The following MLXIP variants were observed in gnomAD, a reference collection of about 807,000 sequenced individuals.
MLXIP encodes the protein MLX-interacting protein.
MLXIP carries 30 observed loss-of-function variants against 87.2 expected under a neutral mutation model. The ratio of observed to expected loss-of-function variants is 0.34; its 90% CI spans 0.26 to 0.47. MLXIP has a LOEUF of 0.47. Among genes scored for constraint, MLXIP ranks in the 20% least tolerant of loss-of-function variants. The probability of loss-of-function intolerance (pLI) is 1.00; values close to 1 mark genes in which losing one functional copy is unlikely to be tolerated. For synonymous variants in MLXIP, 530 were observed against 514.0 expected (o/e 1.03, Z -0.42); for missense variants, 1,002 against 1,240.1 (o/e 0.81, Z 2.88).
At chr12:122,109,557 A>T (rs1952571898) in intron 1 of MLXIP, among the ~76,000 whole-genome samples, 1 of 152,252 alleles carries the variant, frequency 6.6e-6, no homozygotes, top group African/African-American at 2.4e-5. Flanking sequence ...ATCCGTTCAT[A>T]CGTCTCAGGA....
chr12:122,092,668 C>G (rs1247791123), intron 1 of MLXIP, among the ~76,000 whole-genome samples: 1 of 152,152 alleles, frequency 6.6e-6, no homozygotes, highest in African/African-American at 2.4e-5. Context: ...TAAGCTATCA[C>G]CCCTCAGCAT....
chr12:122,096,591 G>A lies in MLXIP; in HGVS notation c.413+17325G>A, dbSNP rs565004660. 3.3e-4 allele frequency among the ~76,000 whole-genome samples: 50 copies of A among 152,328 alleles called. No individual in the cohort carries two copies. The South Asian group carries it at 6.6e-3, about 20-fold the overall frequency. ...TAGGGGAATGGTGGTCAGCAGGCGC[G>A]GAGCTGAACGGTGGCCTGTTTATTC... is the stretch of plus-strand genomic sequence containing the variant. On this transcript the variant is annotated intron_variant, in intron 1 of 16. Transcript: ENST00000319080.
At chr12:122,124,659 G>A (rs1432224934) in intron 1 of MLXIP, among the ~76,000 whole-genome samples, 2 of 151,306 alleles carry the variant, frequency 1.3e-5, no homozygotes, top group Admixed American at 6.6e-5. Flanking sequence ...ACTTCAGGGC[G>A]GGGGTTGTTA....
chr12:122,129,422 T>G, intron 4 of MLXIP, 166 bp from the exon 5 acceptor site: 1 of 419,498 alleles, frequency 2.4e-6, no homozygotes, highest in South Asian at 1.0e-4. Context: ...TTGCTCTCAG[T>G]TTCCCCATCT....
chr12:122,138,604 C>A, intron 14 of MLXIP, 53 bp downstream of exon 14: 1 of 1,570,300 alleles, frequency 6.4e-7, no homozygotes. Flanking sequence ...CGATGCAGGG[C>A]CTGCCTCAGA....
rs1479843247 is a variant in MLXIP at position 122,138,277 on chromosome 12, C to A, written c.2238C>A (p.Ile746=). 5 of 1,613,694 alleles carry A rather than the reference C, an allele frequency of 3.1e-6. No individual in the cohort carries two copies. The highest frequency in any genetic ancestry group is 4.2e-6 in the Non-Finnish European group (5 of 1,179,830). Residue 746 remains isoleucine, a synonymous_variant, in exon 13 of 17, where the codon ATC becomes ATA. Transcript: ENST00000319080. The part of the protein sequence containing the change: ...KMCFDMLNSL[I]SNNSKLTSHA... Reference sequence around the variant, plus strand: ...GCTTCGACATGCTCAACAGCCTCATCTCCAACAATTCCAAGCTGGTGAGTT... The same window carrying A: ...GCTTCGACATGCTCAACAGCCTCATATCCAACAATTCCAAGCTGGTGAGTT...
intron 2 of MLXIP, 141 bp downstream of exon 2, chr12:122,127,503 A>T (rs1358489714): frequency 1.2e-5 from 8 of 650,818 alleles, no homozygotes; most frequent in Non-Finnish European, 2.1e-5. Context: ...AACCCAAGCC[A>T]TCAGGCCCAG....
At position 122,138,197 on chromosome 12, in the gene MLXIP, C is replaced by T. The variant is rs760379501; in HGVS notation, c.2158C>T (p.Arg720Trp). 35 of 1,600,430 alleles carry T rather than the reference C, an allele frequency of 2.2e-5. No individual in the cohort carries two copies. Among genetic ancestry groups the T allele is most frequent in the Non-Finnish European group, 2.8e-5 (33 of 1,173,700 alleles). The change falls in exon 13 of 17, where the codon CGG becomes TGG. Residue 720 changes from arginine (R) to tryptophan (W), a missense_variant. Coordinates refer to ENST00000319080, the MANE Select transcript of MLXIP (RefSeq NM_014938.6). ...TGACCAGCGGGTTCTCCAGCAGAAC[C>T]GGCAGATGAAGCACATCTCAGCTGA... ...DPKNVAALKN[R>W]QMKHISAEQK...
At chr12:122,091,607 C>T (rs932519131) in intron 1 of MLXIP, among the ~76,000 whole-genome samples, 6 of 152,182 alleles carry the variant, frequency 3.9e-5, no homozygotes, top group African/African-American at 1.4e-4. Context: ...CTTAAATGCT[C>T]ACAAGGGCCA....
At chr12:122,121,668 C>T (rs561175553) in intron 1 of MLXIP, among the ~76,000 whole-genome samples, 4 of 152,250 alleles carry the variant, frequency 2.6e-5, no homozygotes, top group African/African-American at 4.8e-5. Context: ...TGGCCATGCC[C>T]GGCCTGCCCT....
Position 122,123,682 on chromosome 12 carries a change from C to A in MLXIP, c.414-3574C>A, listed in dbSNP as rs367941085. Among the ~76,000 whole-genome samples, 7 of 152,254 alleles carry A rather than the reference C, an allele frequency of 4.6e-5. No individual in the cohort carries two copies. The East Asian group carries it at 7.7e-4, about 17-fold the overall frequency. ...CTGCTGTACCCCCTGCCTTCAGACT[C>A]CCTTTTTTGGTTGGTTATTTTTGTT... On this transcript the variant is annotated intron_variant, in intron 1 of 16. Coordinates refer to ENST00000319080, the MANE Select transcript of MLXIP (RefSeq NM_014938.6).
At chr12:122,128,167 A>C in intron 3 of MLXIP, 199 bp downstream of exon 3, 1 of 568,328 alleles carries the variant, frequency 1.8e-6, no homozygotes, top group Non-Finnish European at 3.2e-6. Flanking sequence ...CCCCCTTCTC[A>C]GAGGGACTGG....
At chr12:122,139,230 C>T (rs549580123) in intron 15 of MLXIP, among the ~76,000 whole-genome samples, 1 of 152,296 alleles carries the variant, frequency 6.6e-6, no homozygotes, top group Non-Finnish European at 1.5e-5. Flanking sequence ...GAGCCACTTG[C>T]AGAAGGTGCA....
chr12:122,128,245 AT>A (rs995548519), intron 3 of MLXIP: 2 of 380,120 alleles, frequency 5.3e-6, no homozygotes, highest in Non-Finnish European at 1.0e-5. Flanking sequence ...GTGATTATAC[AT>A]GCACAGGAAG....
At position 122,133,219 on chromosome 12, in the gene MLXIP, C is replaced by A; in HGVS notation, c.1093-129C>A. On this transcript the variant is annotated intron_variant, in intron 8 of 16. Coordinates refer to ENST00000319080, the MANE Select transcript of MLXIP (RefSeq NM_014938.6). This position sits in a 1 kb window ranked among gnomAD's most constrained non-coding sequence, Gnocchi z 4.9. ...TCCCTATCAGATCAGCAGCCATGGA[C>A]GTGGAGACGTGGCCTTTGTCCCTCT... The A allele has an allele frequency of 2.0e-6, 2 of 1,000,864 alleles. No individual in the cohort carries two copies. Among genetic ancestry groups the A allele is most frequent in the Non-Finnish European group, 2.9e-6 (2 of 694,922 alleles). 62.0% of individuals were successfully genotyped at this position (1,000,864 alleles called of 1,614,324 possible).
intron 12 of MLXIP, 66 bp from the exon 13 acceptor site, chr12:122,138,128 G>T: frequency 7.1e-7 from 1 of 1,398,904 alleles, no homozygotes; most frequent in South Asian, 1.3e-5. Flanking sequence ...CAGCGTAGGG[G>T]GTGAGGAAGG....
Position 122,129,661 on chromosome 12 carries a change from A to G in MLXIP, c.738+32A>G, listed in dbSNP as rs974734152. The G allele has an allele frequency of 6.4e-6, 10 of 1,564,316 alleles. No individual in the cohort carries two copies. The African/African-American group carries it at 1.6e-4, about 25-fold the overall frequency. ...GAGCCTGGGAGCTCTGAGGACCCCC[A>G]CTTTGACATGAGACAGCAGGGACTT... On this transcript the variant is annotated intron_variant, in intron 5 of 16. Coordinates refer to ENST00000319080, the MANE Select transcript of MLXIP (RefSeq NM_014938.6).
Position 122,138,842 on chromosome 12 carries a change from G to A in MLXIP, c.2412G>A (p.Thr804=), listed in dbSNP as rs535453580. 3.5e-5 allele frequency: 56 copies of A among 1,613,938 alleles called. No individual in the cohort carries two copies. The African/African-American group carries it at 3.6e-4, about 10-fold the overall frequency. The change falls in exon 15 of 17, where the codon ACG becomes ACA. Residue 804 remains threonine, a synonymous_variant. Transcript: ENST00000319080. ...CCTGCCAGCAGCTGCTCCCTGCCACGGGAGTCCCCGTTACCCGGCGCCAGT... is the reference window on the plus strand; with the variant it reads ...CCTGCCAGCAGCTGCTCCCTGCCACAGGAGTCCCCGTTACCCGGCGCCAGT... ...IISCQQLLPA[T]GVPVTRRQFD...
At position 122,133,690 on chromosome 12, in the gene MLXIP, A is replaced by G; in HGVS notation, c.1435A>G (p.Lys479Glu). The G allele has an allele frequency of 1.2e-6, 2 of 1,613,448 alleles. No homozygotes were observed. Among genetic ancestry groups the G allele is most frequent in the African/African-American group, 2.7e-5 (2 of 74,896 alleles). The change falls in exon 9 of 17, where the codon AAA becomes GAA. Residue 479 changes from lysine (K) to glutamate (E), a missense_variant. By Grantham distance (56) the Lys-to-Glu change is moderately conservative. Transcript: ENST00000319080. This position sits in a 1 kb window ranked among gnomAD's most constrained non-coding sequence, Gnocchi z 4.9. ...GCCACAGAAGTTTGCTGGAGTCAACAAAGCGCCGTCTGTCATCACCCACAC... is the reference window on the plus strand; with the variant it reads ...GCCACAGAAGTTTGCTGGAGTCAACGAAGCGCCGTCTGTCATCACCCACAC... Reference protein sequence around the residue: ...HQPQKFAGVNKAPSVITHTAS... With the variant: ...HQPQKFAGVNEAPSVITHTAS...
Sources: allele counts gnomAD v4.1 joint callset (sites outside exome capture counted in the v4.1 genomes callset), GRCh38; gene constraint gnomAD v4.1.1; non-coding constraint Gnocchi (gnomAD v3.1); transcripts MANE v1.5; gene names NCBI Gene and HGNC (gene_info 2026-07-23, HGNC 2026-07-21).